The following UGGT2 variants were observed in gnomAD, a reference collection of about 807,000 sequenced individuals.
The protein encoded by UGGT2 is UDP-glucose:glycoprotein glucosyltransferase 2.
A neutral mutation model predicts 192.1 loss-of-function variants in UGGT2; 180 were observed. The observed-to-expected ratio is 0.94, with a 90% CI of 0.83 to 1.06. UGGT2 has a LOEUF of 1.06. UGGT2 is among the 50% of genes least tolerant of loss of function. The pLI is 0.00. For missense variants in UGGT2, 1,849 were observed against 1,795.7 expected (o/e 1.03, Z -0.54); for synonymous variants, 580 against 591.0 (o/e 0.98, Z 0.27).
intron 31 of UGGT2, among the ~76,000 whole-genome samples, chr13:95,862,143 C>G (rs1890224983): frequency 6.6e-6 from 1 of 152,128 alleles, no homozygotes; most frequent in Non-Finnish European, 1.5e-5. Context: ...GATCCTTTCT[C>G]TATCAGTAAC....
intron 25 of UGGT2, among the ~76,000 whole-genome samples, chr13:95,889,260 T>C (rs1211513345): frequency 6.6e-6 from 1 of 152,150 alleles, no homozygotes; most frequent in African/African-American, 2.4e-5. Flanking sequence ...TCAAGACATA[T>C]AAATTTGAAG....
At chr13:95,948,218 T>TACACACAC (rs149949392) in intron 13 of UGGT2, 137 bp from the exon 14 acceptor site, 6,757 of 317,212 alleles carry the variant, frequency 0.021, 99 homozygotes, top group Admixed American at 0.026. Context: ...TTCTAAGGAA[T>TACACACAC]ACACACACAC....
chr13:95,861,769 G>A (rs368393537), intron 31 of UGGT2, among the ~76,000 whole-genome samples: 1 of 151,746 alleles, frequency 6.6e-6, no homozygotes, highest in Non-Finnish European at 1.5e-5. Context: ...TTCAAATCTT[G>A]TAATCTCCCA....
intron 1 of UGGT2, among the ~76,000 whole-genome samples, chr13:96,044,735 G>A (rs1226366264): frequency 6.6e-6 from 1 of 152,068 alleles, no homozygotes; most frequent in East Asian, 1.9e-4. Flanking sequence ...TATGCATAAA[G>A]TAGAAAACCT....
chr13:95,967,807 C>T (rs937832113), intron 12 of UGGT2, among the ~76,000 whole-genome samples: 7 of 152,112 alleles, frequency 4.6e-5, no homozygotes, highest in African/African-American at 1.4e-4. Flanking sequence ...CTGATTTACA[C>T]GTCCTCAGTT....
rs553896922 is a variant in UGGT2, at chr13:95,906,158, G to C, written c.2296-3098C>G. Among the ~76,000 whole-genome samples the C allele has an allele frequency of 5.3e-5, 8 of 152,182 alleles. 1 individual carries two copies. Among genetic ancestry groups the C allele is most frequent in the African/African-American group, 1.9e-4 (8 of 41,522 alleles). Reference sequence around the variant, plus strand: ...CTTGGTACTTTGAATTTCTGGATGAGTTTTTGAATCTGCTTGACAATTTCC... The same window carrying C: ...CTTGGTACTTTGAATTTCTGGATGACTTTTTGAATCTGCTTGACAATTTCC... On this transcript the variant is annotated intron_variant, in intron 20 of 38. Coordinates refer to ENST00000376747, the MANE Select transcript of UGGT2 (RefSeq NM_020121.4).
chr13:95,808,391 A>C (rs1197073621), intron 38 of UGGT2, among the ~76,000 whole-genome samples: 1 of 152,166 alleles, frequency 6.6e-6, no homozygotes, highest in Non-Finnish European at 1.5e-5. Context: ...TCTTCCTTAC[A>C]AATAAATGTC....
chr13:95,915,726 A>G (rs181224326), intron 20 of UGGT2, among the ~76,000 whole-genome samples: 1 of 152,310 alleles, frequency 6.6e-6, no homozygotes, highest in East Asian at 1.9e-4. Context: ...TGGAGAGTCC[A>G]AACAGTCCAG....
intron 8 of UGGT2, among the ~76,000 whole-genome samples, chr13:95,989,272 T>A (rs976273507): frequency 2.0e-5 from 3 of 152,224 alleles, no homozygotes; most frequent in African/African-American, 7.2e-5. Flanking sequence ...TATAAAATAA[T>A]CTATATCATC....
intron 17 of UGGT2, among the ~76,000 whole-genome samples, chr13:95,928,299 GC>G (rs1172271559): frequency 6.6e-6 from 1 of 150,836 alleles, no homozygotes; most frequent in Admixed American, 6.6e-5. Flanking sequence ...GGCAGGGGCT[GC>G]CCCCCACCTC....
At chr13:95,908,783 T>G (rs1237264845) in intron 20 of UGGT2, among the ~76,000 whole-genome samples, 1 of 132,484 alleles carries the variant, frequency 7.5e-6, no homozygotes, top group East Asian at 2.1e-4. Flanking sequence ...TGCCCACTTT[T>G]TGATGGGGTT....
intron 36 of UGGT2, among the ~76,000 whole-genome samples, chr13:95,847,469 C>T (rs1221483343): frequency 1.3e-5 from 2 of 152,176 alleles, no homozygotes; most frequent in African/African-American, 4.8e-5. Context: ...CCCCTCCCTG[C>T]CACCAAACTC....
intron 12 of UGGT2, among the ~76,000 whole-genome samples, chr13:95,969,592 C>T (rs2050702237): frequency 6.6e-6 from 1 of 152,310 alleles, no homozygotes; most frequent in Non-Finnish European, 1.5e-5. Context: ...GAACGTTTCA[C>T]AGTCTAAGAA....
At chr13:96,044,781 C>A (rs1218918669) in intron 1 of UGGT2, among the ~76,000 whole-genome samples, 1 of 151,978 alleles carries the variant, frequency 6.6e-6, no homozygotes, top group Non-Finnish European at 1.5e-5. Flanking sequence ...AGATACAACC[C>A]TCCTAGCTTA....
In UGGT2 at chr13:96,002,004, G is replaced by A. The variant is rs369843992; in HGVS notation, c.661-2697C>T. On this transcript the variant is annotated intron_variant, in intron 5 of 38. Transcript: ENST00000376747. ...CATGAAAAATATGTGTTAATTGACT[G>A]TTTCTGTTATCAGTAAGGCATCCAG... is the stretch of plus-strand genomic sequence containing the variant. Among the ~76,000 whole-genome samples the A allele has an allele frequency of 9.2e-5, 14 of 152,310 alleles. No individual in the cohort carries two copies. The South Asian group carries it at 1.4e-3, about 16-fold the overall frequency.
Position 95,848,336 on chromosome 13 carries a change from C to T in UGGT2, c.4284+5207G>A, listed in dbSNP as rs186158639. ...GCTTATCAATTATTACTTCACGGAT[C>T]ATGACTTTGGTGTTATATCTAAAAA... On this transcript the variant is annotated intron_variant, in intron 36 of 38. Coordinates refer to ENST00000376747, the MANE Select transcript of UGGT2 (RefSeq NM_020121.4). 3.3e-3 allele frequency among the ~76,000 whole-genome samples: 510 copies of T among 152,298 alleles called. 4 individuals are homozygous for T. The highest frequency in any genetic ancestry group is 0.012 in the African/African-American group (483 of 41,568).
At chr13:95,832,885 T>C in intron 38 of UGGT2, 42 bp downstream of exon 38, 2 of 1,605,246 alleles carry the variant, frequency 1.2e-6, no homozygotes, top group Non-Finnish European at 1.7e-6. Context: ...ATCTCATTAA[T>C]GCAACGCATG....
chr13:95,997,482 A>C (rs933495733), intron 6 of UGGT2, among the ~76,000 whole-genome samples: 1 of 152,068 alleles, frequency 6.6e-6, no homozygotes, highest in African/African-American at 2.4e-5. Context: ...GTCTCTACTA[A>C]AAATACAAAA....
chr13:95,896,177 G>C (rs1454251211), intron 22 of UGGT2, among the ~76,000 whole-genome samples: 7 of 152,024 alleles, frequency 4.6e-5, no homozygotes, highest in African/African-American at 1.7e-4. Flanking sequence ...AAAAAGACCA[G>C]AATGTAATGG....
Sources: gnomAD v4.1 joint callset for allele counts (sites outside exome capture counted in the v4.1 genomes callset) on GRCh38, gnomAD v4.1.1 for gene constraint, MANE v1.5 for transcripts, NCBI Gene and HGNC (gene_info 2026-07-23, HGNC 2026-07-21) for gene names.